Variants in SOAT1 observed in about 807,000 individuals in gnomAD.
SOAT1 encodes acyl-coenzyme A:cholesterol acyltransferase 1.
Under a neutral mutation model 69.5 loss-of-function variants are expected in SOAT1, and 55 were observed. The ratio of observed to expected loss-of-function variants is 0.79; its 90% CI spans 0.64 to 0.99. SOAT1 has a LOEUF of 0.99. SOAT1 is among the 50% of genes least tolerant of loss of function. SOAT1 has a pLI of 0.00. For missense variants in SOAT1, 580 were observed against 669.3 expected, an observed-to-expected ratio of 0.87 and a Z score of 1.47; for synonymous variants, 231 against 224.7, an observed-to-expected ratio of 1.03 and a Z score of -0.25.
At chr1:179,323,547 T>C (rs910363344) in intron 3 of SOAT1, 52 bp downstream of exon 3, 1 of 1,486,766 alleles carries the variant, frequency 6.7e-7, no homozygotes, top group Non-Finnish European at 9.3e-7. Context: ...AGATAGAATT[T>C]TGTTTGGTAA....
chr1:179,344,934 T>G lies in SOAT1; in HGVS notation c.988-13T>G. 1 of 1,613,566 alleles carries G rather than the reference T, an allele frequency of 6.2e-7. No homozygotes were observed. The highest frequency in any genetic ancestry group is 8.5e-7 in the Non-Finnish European group (1 of 1,179,724). ...GCCATCGTTATTATAATTCTGTCTC[T>G]GTTATGTTCCAGGTCTTTGGTTGCT... On this transcript the variant is annotated splice_polypyrimidine_tract_variant and intron_variant, in intron 10 of 15. Transcript: ENST00000367619.
At chr1:179,301,434 T>A (rs538744495) in intron 1 of SOAT1, among the ~76,000 whole-genome samples, 1 of 152,290 alleles carries the variant, frequency 6.6e-6, no homozygotes, top group East Asian at 1.9e-4. Flanking sequence ...CCCCCAGTAG[T>A]TAGTGGTCTT....
intron 2 of SOAT1, among the ~76,000 whole-genome samples, chr1:179,310,099 C>G (rs944599148): frequency 2.0e-5 from 3 of 151,972 alleles, no homozygotes; most frequent in African/African-American, 7.3e-5. Flanking sequence ...AGGGTTTCAC[C>G]ATATCAGCCA....
chr1:179,298,506 G>T (rs1664728757), intron 1 of SOAT1, among the ~76,000 whole-genome samples: 1 of 151,720 alleles, frequency 6.6e-6, no homozygotes, highest in African/African-American at 2.4e-5. Flanking sequence ...TCACTCTGTT[G>T]TCTGGGCTGG....
intron 2 of SOAT1, among the ~76,000 whole-genome samples, chr1:179,313,615 G>A (rs1665295423): frequency 6.6e-6 from 1 of 150,968 alleles, no homozygotes; most frequent in African/African-American, 2.4e-5. Flanking sequence ...ACAGAGTTTT[G>A]CTTTTGTTGC....
chr1:179,325,477 T>C (rs1420351805), intron 3 of SOAT1, among the ~76,000 whole-genome samples: 6 of 152,190 alleles, frequency 3.9e-5, no homozygotes, highest in African/African-American at 1.4e-4. Flanking sequence ...TTTTGTGGTT[T>C]ACTAGAGTGT....
At chr1:179,345,701 C>T (rs1666508672) in intron 11 of SOAT1, among the ~76,000 whole-genome samples, 4 of 152,022 alleles carry the variant, frequency 2.6e-5, no homozygotes, top group Admixed American at 1.3e-4. Flanking sequence ...CAGGTGCATG[C>T]CACCATGCCT....
chr1:179,301,227 C>T (rs890834729), intron 1 of SOAT1, among the ~76,000 whole-genome samples: 6 of 152,158 alleles, frequency 3.9e-5, no homozygotes, highest in Non-Finnish European at 8.8e-5. Context: ...GCCACCATGC[C>T]CAACTAGGGA....
intron 1 of SOAT1, among the ~76,000 whole-genome samples, chr1:179,297,460 C>G (rs952261150): frequency 1.3e-5 from 2 of 151,990 alleles, no homozygotes; most frequent in South Asian, 2.1e-4. Flanking sequence ...TTCGGCCTCC[C>G]GAGTAGCTGG....
At position 179,350,459 on chromosome 1, in the gene SOAT1, T is replaced by C. The variant is rs200100645; in HGVS notation, c.1450+28T>C. On this transcript the variant is annotated intron_variant, in intron 14 of 15. Transcript: ENST00000367619. ...AAGTATCTTGGTATGCTGTGAGTAC[T>C]GGGTACTATGCTAAAAAAGAAAACC... 4 of 1,600,168 alleles carry C rather than the reference T, an allele frequency of 2.5e-6. No homozygotes were observed. In the South Asian group the frequency reaches 3.4e-5, roughly 14 times the overall value.
intron 8 of SOAT1, among the ~76,000 whole-genome samples, 170 bp downstream of exon 8, chr1:179,342,362 A>C (rs1666369707): frequency 7.7e-6 from 1 of 129,036 alleles, no homozygotes; most frequent in African/African-American, 2.9e-5. Flanking sequence ...TCTTTGTGTA[A>C]TTTCATTAGT....
At position 179,355,933 on chromosome 1, in the gene SOAT1, C is replaced by A. The variant is rs986064473; in HGVS notation, c.*2292C>A. 6.6e-6 allele frequency: 1 copy of A among 152,186 alleles called. No homozygotes were observed. The highest frequency in any genetic ancestry group is 1.5e-5 in the Non-Finnish European group (1 of 68,020). The allele number at this position is 152,186 out of a possible 1,614,324, so 9.4% of individuals were successfully genotyped here. On this transcript the variant is annotated 3_prime_UTR_variant, in exon 16 of 16. Transcript: ENST00000367619. ...TGCTGAGACTGTTCTAAGAAACTTTCAAAAACAGTAGCACTTCAAGGAATG... is the reference window on the plus strand; with the variant it reads ...TGCTGAGACTGTTCTAAGAAACTTTAAAAAACAGTAGCACTTCAAGGAATG...
At chr1:179,346,554 C>T (rs1352400446) in intron 11 of SOAT1, among the ~76,000 whole-genome samples, 1 of 152,152 alleles carries the variant, frequency 6.6e-6, no homozygotes, top group Non-Finnish European at 1.5e-5. Flanking sequence ...TCTGGAATGG[C>T]ATAAACCCAG....
At position 179,345,018 on chromosome 1, in the gene SOAT1, A is replaced by T; in HGVS notation, c.1059A>T (p.Lys353Asn). 6.2e-7 allele frequency: 1 copy of T among 1,614,120 alleles called. No individual in the cohort carries two copies. The highest frequency in any genetic ancestry group is 8.5e-7 in the Non-Finnish European group (1 of 1,179,988). ...GTGCCCCCTTGTTTCGGAATATCAA[A>T]CAGGAGCCCTTCAGCGCTCGTGTTC... is the stretch of plus-strand genomic sequence containing the variant. Reference protein sequence around the residue: ...RLCAPLFRNIKQEPFSARVLV... With the variant: ...RLCAPLFRNINQEPFSARVLV... The change falls in exon 11 of 16, where the codon AAA (lysine) becomes AAT (asparagine). Residue 353 changes from lysine to asparagine, a missense_variant. Lys to Asn is a moderately conservative substitution (Grantham distance 94). Coordinates refer to ENST00000367619, the MANE Select transcript of SOAT1 (RefSeq NM_003101.6).
chr1:179,295,351 C>G (rs1253797167), intron 1 of SOAT1, among the ~76,000 whole-genome samples: 1 of 152,194 alleles, frequency 6.6e-6, no homozygotes, highest in Non-Finnish European at 1.5e-5. Flanking sequence ...ATCACTTCCT[C>G]TGGAAATCAC....
intron 2 of SOAT1, among the ~76,000 whole-genome samples, chr1:179,308,698 T>C (rs1665113367): frequency 6.6e-6 from 1 of 151,868 alleles, no homozygotes; most frequent in South Asian, 2.1e-4. Flanking sequence ...GATTTGGTTT[T>C]ATTAAACCAA....
intron 2 of SOAT1, among the ~76,000 whole-genome samples, chr1:179,317,412 A>C (rs1229687067): frequency 6.6e-6 from 1 of 151,892 alleles, no homozygotes; most frequent in Admixed American, 6.6e-5. Flanking sequence ...GGGCGCCTGT[A>C]GTCCCAGCTA....
At chr1:179,342,580 G>A (rs765031153) in intron 8 of SOAT1, among the ~76,000 whole-genome samples, 1 of 151,950 alleles carries the variant, frequency 6.6e-6, no homozygotes, top group East Asian at 1.9e-4. Context: ...TTATTTTTAT[G>A]GAATGTTAAT....
At position 179,342,181 on chromosome 1, in the gene SOAT1, A is replaced by G. The variant is rs760222780; in HGVS notation, c.848A>G (p.Lys283Arg). Residue 283 changes from lysine to arginine, a missense_variant, in exon 8 of 16, where the codon AAG becomes AGG. Physicochemically the swap from Lys to Arg is conservative, Grantham distance 26. Transcript: ENST00000367619. ...ENVPRVLNSA[K>R]EKSSTVPIPT... The stretch of plus-strand genomic sequence containing the variant: ...GTGCCTCGGGTACTAAATTCAGCTA[A>G]GGAGAAATCAAGTATGTAATTTCTT... 27 of 1,612,068 alleles carry G rather than the reference A, an allele frequency of 1.7e-5. No individual in the cohort carries two copies. The highest frequency in any genetic ancestry group is 2.3e-5 in the Non-Finnish European group (27 of 1,178,606).
Sources: allele counts gnomAD v4.1 joint callset (sites outside exome capture counted in the v4.1 genomes callset), GRCh38; gene constraint gnomAD v4.1.1; transcripts MANE v1.5; gene names NCBI Gene and HGNC (gene_info 2026-07-23, HGNC 2026-07-21).